AGMO: variants seen among roughly 807,000 people sequenced by gnomAD.
AGMO encodes glyceryl-ether monooxygenase.
In AGMO, 75 loss-of-function variants were observed where a neutral mutation model predicts 60.2. The ratio of observed to expected loss-of-function variants is 1.25; its 90% CI spans 1.03 to 1.51. The LOEUF is 1.51. Ranked by LOEUF, AGMO falls within the 40% of genes most tolerant of loss-of-function variation. The pLI is 0.00. For synonymous variants in AGMO, 261 were observed against 177.1 expected (o/e 1.47, Z -3.76); for missense variants, 763 against 525.5 (o/e 1.45, Z -4.42).
At chr7:15,291,118 A>G (rs1426152373) in intron 12 of AGMO, among the ~76,000 whole-genome samples, 1 of 152,188 alleles carries the variant, frequency 6.6e-6, no homozygotes, top group Non-Finnish European at 1.5e-5. Flanking sequence ...GATGATATTT[A>G]CAATTTCCCT....
At chr7:15,316,171 A>G (rs1780918830) in intron 12 of AGMO, among the ~76,000 whole-genome samples, 1 of 152,162 alleles carries the variant, frequency 6.6e-6, no homozygotes, top group African/African-American at 2.4e-5. Context: ...TTGCCAAGGG[A>G]AAAACAAAAC....
chr7:15,348,067 G>A (rs1445892660), intron 12 of AGMO, among the ~76,000 whole-genome samples: 2 of 151,992 alleles, frequency 1.3e-5, no homozygotes, highest in Non-Finnish European at 2.9e-5. Flanking sequence ...AGGGTAACTT[G>A]GATGTTTATC....
the AGMO span, among the ~76,000 whole-genome samples, chr7:15,123,872 A>G: frequency 6.6e-6 from 1 of 152,122 alleles, no homozygotes; most frequent in Non-Finnish European, 1.5e-5. Context: ...AAATGAAGTA[A>G]TTTATTCCAG....
chr7:15,320,167 C>T (rs901191598), intron 12 of AGMO, among the ~76,000 whole-genome samples: 16 of 151,626 alleles, frequency 1.1e-4, no homozygotes, highest in African/African-American at 3.9e-4. Flanking sequence ...ATGTAAATGA[C>T]GAGTTAATGG....
chr7:15,245,303 C>A lies in AGMO; in HGVS notation c.1264-43944G>T, dbSNP rs188541304. 4.5e-3 allele frequency among the ~76,000 whole-genome samples: 682 copies of A among 152,236 alleles called. 6 individuals are homozygous for A. Among genetic ancestry groups the A allele is most frequent in the African/African-American group, 0.016 (653 of 41,550 alleles). On this transcript the variant is annotated intron_variant, in intron 12 of 12. Transcript: ENST00000342526. ...CTATCCCTTTTCTTGTTGTTGTTTT[C>A]CCTGAGGTCTGGGAATAATATACCT...
chr7:15,281,808 A>G (rs936680318), intron 12 of AGMO, among the ~76,000 whole-genome samples: 2 of 152,210 alleles, frequency 1.3e-5, no homozygotes, highest in Admixed American at 6.5e-5. Flanking sequence ...AGATTTTTAA[A>G]TAAGTGTACA....
At chr7:15,450,492 C>T (rs1460048415) in intron 3 of AGMO, among the ~76,000 whole-genome samples, 4 of 151,526 alleles carry the variant, frequency 2.6e-5, no homozygotes, top group African/African-American at 4.8e-5. Flanking sequence ...TTTTCCTTAA[C>T]ATATTTATGC....
intron 3 of AGMO, among the ~76,000 whole-genome samples, chr7:15,507,922 C>A (rs1023177430): frequency 6.6e-6 from 1 of 151,870 alleles, no homozygotes; most frequent in Non-Finnish European, 1.5e-5. Context: ...TGGGATAGGT[C>A]CTGAGGTGAT....
chr7:15,522,318 T>C (rs933916642), intron 3 of AGMO, among the ~76,000 whole-genome samples: 1 of 152,116 alleles, frequency 6.6e-6, no homozygotes, highest in African/African-American at 2.4e-5. Context: ...GAAGCTACCA[T>C]TGACTTTCTT....
chr7:15,531,000 ATATATTC>A (rs1174456112), intron 3 of AGMO, among the ~76,000 whole-genome samples: 20,393 of 38,488 alleles, frequency 0.53, 7,938 homozygotes, highest in East Asian at 0.77. Flanking sequence ...TATATATTCT[ATATATTC>A]TATATATATT....
At chr7:15,269,010 G>A (rs909176909) in intron 12 of AGMO, among the ~76,000 whole-genome samples, 1 of 152,020 alleles carries the variant, frequency 6.6e-6, no homozygotes, top group Non-Finnish European at 1.5e-5. Context: ...GTTTAGCTTA[G>A]GATTGAGCAA....
intron 12 of AGMO, among the ~76,000 whole-genome samples, chr7:15,351,291 C>G (rs764350719): frequency 1.3e-5 from 2 of 152,026 alleles, no homozygotes; most frequent in African/African-American, 2.4e-5. Flanking sequence ...AAAATCTCCC[C>G]GGCTCACTTC....
At position 15,272,511 on chromosome 7, in the gene AGMO, T is replaced by C. The variant is rs1399518236; in HGVS notation, c.1264-71152A>G. On this transcript the variant is annotated intron_variant, in intron 12 of 12. Transcript: ENST00000342526. Reference sequence around the variant, plus strand: ...TCCATGGTGTATATGTGCCTCATTTTCTTAATCCAGTCTATCATTGATGGA... The same window carrying C: ...TCCATGGTGTATATGTGCCTCATTTCCTTAATCCAGTCTATCATTGATGGA... 4.6e-5 allele frequency among the ~76,000 whole-genome samples: 7 copies of C among 152,280 alleles called. No homozygotes were observed. The East Asian group carries it at 1.4e-3, about 29-fold the overall frequency.
chr7:15,549,301 A>C (rs1028785711), intron 2 of AGMO, among the ~76,000 whole-genome samples: 1 of 150,540 alleles, frequency 6.6e-6, no homozygotes, highest in African/African-American at 2.5e-5. Context: ...GACAGGATCA[A>C]ATTCACACAT....
intron 2 of AGMO, among the ~76,000 whole-genome samples, chr7:15,547,105 G>A (rs1784802658): frequency 6.7e-6 from 1 of 150,186 alleles, no homozygotes; most frequent in Non-Finnish European, 1.5e-5. Context: ...GTAATTTTTT[G>A]TTTCAAGAGC....
At chr7:15,508,292 G>A (rs1783574666) in intron 3 of AGMO, among the ~76,000 whole-genome samples, 2 of 152,110 alleles carry the variant, frequency 1.3e-5, no homozygotes, top group South Asian at 4.1e-4. Context: ...ATTATTTTGT[G>A]ATCCTTGCAT....
intron 12 of AGMO, among the ~76,000 whole-genome samples, chr7:15,235,125 A>T (rs915906474): frequency 6.6e-6 from 1 of 152,090 alleles, no homozygotes; most frequent in East Asian, 1.9e-4. Flanking sequence ...TCTGCTCAAA[A>T]AGATCCTCCT....
chr7:15,293,901 G>C (rs1251650513), intron 12 of AGMO, among the ~76,000 whole-genome samples: 1 of 152,128 alleles, frequency 6.6e-6, no homozygotes, highest in African/African-American at 2.4e-5. Flanking sequence ...AGAACACACA[G>C]AGGTGCAATA....
At chr7:15,351,803 A>G (rs1782253533) in intron 12 of AGMO, among the ~76,000 whole-genome samples, 2 of 152,254 alleles carry the variant, frequency 1.3e-5, no homozygotes, top group South Asian at 4.1e-4. Flanking sequence ...AACAGTAAGC[A>G]AACATATTAT....
Sources: allele counts gnomAD v4.1 joint callset (sites outside exome capture counted in the v4.1 genomes callset), GRCh38; gene constraint gnomAD v4.1.1; transcripts MANE v1.5; gene names NCBI Gene and HGNC (gene_info 2026-07-23, HGNC 2026-07-21).